The following LRRC69 variants were observed in gnomAD, a reference collection of about 807,000 sequenced individuals.
LRRC69 encodes leucine rich repeat containing 69.
In LRRC69, 42 loss-of-function variants were observed where a neutral mutation model predicts 37.8. The observed-to-expected ratio is 1.11, with a 90% CI of 0.87 to 1.44. LRRC69 has a LOEUF of 1.44. Among genes scored for constraint, LRRC69 ranks in the 40% most tolerant of loss-of-function variants. The pLI is 0.00. For synonymous variants in LRRC69, 141 were observed against 143.1 expected (o/e 0.99, Z 0.11); for missense variants, 357 against 401.9 (o/e 0.89, Z 0.96).
chr8:91,217,323 T>C (rs1264096722), intron 7 of LRRC69, among the ~76,000 whole-genome samples: 1 of 152,122 alleles, frequency 6.6e-6, no homozygotes, highest in Non-Finnish European at 1.5e-5. Context: ...TGGCTGAAGA[T>C]TTTGTCATGT....
chr8:91,193,394 G>C (rs1480124025), intron 6 of LRRC69, among the ~76,000 whole-genome samples: 1 of 142,358 alleles, frequency 7.0e-6, no homozygotes, highest in African/African-American at 2.6e-5. Flanking sequence ...GAAAGGCATT[G>C]GTAGCTTGAT....
chr8:91,127,207 C>T (rs527328654), intron 3 of LRRC69, 47 bp downstream of exon 3: 1 of 1,341,076 alleles, frequency 7.5e-7, no homozygotes, highest in African/African-American at 1.5e-5. Context: ...TGCCCCTCCT[C>T]TATCCCCACC....
rs1453233875 is a variant in LRRC69 at position 91,149,164 on chromosome 8, C to T, written c.651+13425C>T. The stretch of plus-strand genomic sequence containing the variant: ...TAGACATGGAGTCCTTGCCCATGCC[C>T]ATGTCCTGAATGGTATTGCCTAGGT... On this transcript the variant is annotated intron_variant, in intron 5 of 7. Transcript: ENST00000448384. 2.6e-5 allele frequency among the ~76,000 whole-genome samples: 4 copies of T among 151,756 alleles called. No homozygotes were observed. The South Asian group carries it at 6.2e-4, about 24-fold the overall frequency.
intron 7 of LRRC69, among the ~76,000 whole-genome samples, chr8:91,204,918 CACATAACTTGAATGAAT>C (rs1809774475): frequency 6.6e-6 from 1 of 152,194 alleles, no homozygotes. Flanking sequence ...TGGAAAACAA[CACATAACTTGAATGAAT>C]AATACAATGA....
At chr8:91,144,607 C>T (rs1330642078) in intron 5 of LRRC69, among the ~76,000 whole-genome samples, 2 of 151,928 alleles carry the variant, frequency 1.3e-5, no homozygotes, top group South Asian at 2.1e-4. Context: ...TCGTTGCCTA[C>T]TACTTATCCT....
At chr8:91,172,560 G>C (rs1396292288) in intron 5 of LRRC69, among the ~76,000 whole-genome samples, 1 of 151,846 alleles carries the variant, frequency 6.6e-6, no homozygotes, top group African/African-American at 2.4e-5. Flanking sequence ...TTGTTGCCCA[G>C]GCTAGAGTGC....
intron 5 of LRRC69, among the ~76,000 whole-genome samples, chr8:91,152,182 G>A (rs964344512): frequency 2.0e-5 from 3 of 151,562 alleles, no homozygotes; most frequent in African/African-American, 7.3e-5. Flanking sequence ...ATTGCTTTTG[G>A]TGATTTCATC....
At chr8:91,200,160 A>T (rs1409645312) in intron 6 of LRRC69, among the ~76,000 whole-genome samples, 1 of 152,172 alleles carries the variant, frequency 6.6e-6, no homozygotes, top group African/African-American at 2.4e-5. Flanking sequence ...GACATTCTGC[A>T]TATCTAATAA....
chr8:91,119,548 G>A (rs928405650), intron 1 of LRRC69, among the ~76,000 whole-genome samples: 1 of 152,024 alleles, frequency 6.6e-6, no homozygotes, highest in African/African-American at 2.4e-5. Flanking sequence ...AAAGGACCAT[G>A]TGGTTATCCA....
At chr8:91,128,489 A>G (rs1414265868) in intron 3 of LRRC69, among the ~76,000 whole-genome samples, 1 of 151,980 alleles carries the variant, frequency 6.6e-6, no homozygotes, top group Non-Finnish European at 1.5e-5. Context: ...TTCTGGCCAT[A>G]TCCTACTAGA....
chr8:91,190,468 A>G (rs1809475431), intron 6 of LRRC69, among the ~76,000 whole-genome samples: 1 of 152,128 alleles, frequency 6.6e-6, no homozygotes, highest in Non-Finnish European at 1.5e-5. Flanking sequence ...ATACTAAGAA[A>G]TCAAATTAAT....
In LRRC69 at chr8:91,117,720, A is replaced by G. The variant is rs941712278; in HGVS notation, c.184-6773A>G. Among the ~76,000 whole-genome samples the G allele has an allele frequency of 6.6e-5, 10 of 151,816 alleles. No homozygotes were observed. In the East Asian group the frequency reaches 1.9e-3, roughly 29 times the overall value. ...AGACAAAACTAATTATGCACCAACA[A>G]TGTGCCTTGTTGCTGAAAGAGTACA... On this transcript the variant is annotated intron_variant, in intron 1 of 7. Coordinates refer to ENST00000448384, the Ensembl canonical transcript of LRRC69.
chr8:91,107,667 G>T (rs976972570), intron 1 of LRRC69, among the ~76,000 whole-genome samples: 1 of 151,982 alleles, frequency 6.6e-6, no homozygotes, highest in African/African-American at 2.4e-5. Flanking sequence ...AAATGAGGGG[G>T]TAGGGGTTCT....
rs547199769 is a variant in LRRC69 at position 91,124,537 on chromosome 8, G to A, written c.228G>A (p.Pro76=). 1.5e-4 allele frequency: 231 copies of A among 1,540,424 alleles called. 1 individual carries two copies. The highest frequency in any genetic ancestry group is 1.2e-3 in the African/African-American group (86 of 72,776). The change falls in exon 2 of 8, where the codon CCG becomes CCA. Residue 76 remains proline, a synonymous_variant. Coordinates refer to ENST00000448384, the Ensembl canonical transcript of LRRC69. ...GAAACAACCTTTTAGAAGAAGTTCC[G>A]GAAGAGATGAAATATCTTACATCTC...
Position 91,214,806 on chromosome 8 carries a change from A to AT in LRRC69, c.934-4068dup, listed in dbSNP as rs766125366. ...CCCAAAGCTTGGTGACTTGACAGAA[A>AT]TTTTTTTTTTTTTTTTACAGTCAAG... On this transcript the variant is annotated intron_variant, in intron 7 of 7. Transcript: ENST00000448384. Among the ~76,000 whole-genome samples, 508 of 144,752 alleles carry AT rather than the reference A, an allele frequency of 3.5e-3. 1 individual carries two copies. The highest frequency in any genetic ancestry group is 0.011 in the Middle Eastern group (3 of 276). 95.0% of individuals were successfully genotyped at this position (144,752 alleles called of 152,430 possible). A position where few individuals can be genotyped will look rare whatever the true frequency, so the allele number is the denominator to read the frequency against.
intron 1 of LRRC69, among the ~76,000 whole-genome samples, chr8:91,108,871 G>A (rs1488029636): frequency 6.6e-6 from 1 of 151,898 alleles, no homozygotes; most frequent in African/African-American, 2.4e-5. Context: ...TTATGCAGAG[G>A]AAGAGGAAAG....
At chr8:91,217,737 C>T (rs1810079812) in intron 7 of LRRC69, among the ~76,000 whole-genome samples, 1 of 152,130 alleles carries the variant, frequency 6.6e-6, no homozygotes, top group African/African-American at 2.4e-5. Flanking sequence ...GAAATGGATC[C>T]CAGACAGGAA....
intron 1 of LRRC69, among the ~76,000 whole-genome samples, chr8:91,103,985 C>G (rs1217172044): frequency 2.6e-5 from 4 of 151,896 alleles, no homozygotes; most frequent in African/African-American, 9.7e-5. Context: ...TATCTTCTAT[C>G]CCACTTCCCC....
chr8:91,116,741 G>A (rs1381167133), intron 1 of LRRC69, among the ~76,000 whole-genome samples: 1 of 151,916 alleles, frequency 6.6e-6, no homozygotes, highest in African/African-American at 2.4e-5. Context: ...GGGTTATTGC[G>A]AGGTCCACAT....
Sources: allele counts gnomAD v4.1 joint callset (sites outside exome capture counted in the v4.1 genomes callset), GRCh38; gene constraint gnomAD v4.1.1; transcripts MANE v1.5; gene names NCBI Gene and HGNC (gene_info 2026-07-23, HGNC 2026-07-21).